The following PCDH12 variants were observed in gnomAD, a reference collection of about 807,000 sequenced individuals.
PCDH12 encodes the protein protocadherin-12.
A neutral mutation model predicts 70.9 loss-of-function variants in PCDH12; 45 were observed. The ratio of observed to expected loss-of-function variants is 0.63; its 90% CI spans 0.50 to 0.81. The LOEUF is 0.81. PCDH12 is among the 40% of genes least tolerant of loss of function. The pLI is 0.00. For missense variants in PCDH12, 1,370 were observed against 1,491.7 expected (o/e 0.92, Z 1.34); for synonymous variants, 567 against 626.0 (o/e 0.91, Z 1.41).
In PCDH12 at chr5:141,957,073, C is replaced by T. The variant is rs1596647871; in HGVS notation, c.779G>A (p.Gly260Asp). The change falls in exon 1 of 4, where the codon GGT becomes GAT. Residue 260 changes from glycine to aspartate, a missense_variant. Coordinates refer to ENST00000231484, the MANE Select transcript of PCDH12 (RefSeq NM_016580.4). This position sits in a 1 kb window ranked among gnomAD's most constrained non-coding sequence, Gnocchi z 4.3. ...GGCGGTCAGTTTTATGAGAAGCGTA[C>T]CAGGTGCAGCATCTTCTTGGATTTC... ...ALEIQEDAAP[G>D]TLLIKLTATD... is the part of the protein sequence containing the mutation. The T allele has an allele frequency of 1.3e-5, 21 of 1,614,152 alleles. No individual in the cohort carries two copies. Among genetic ancestry groups the T allele is most frequent in the Non-Finnish European group, 1.7e-5 (20 of 1,180,022 alleles).
Position 141,945,279 on chromosome 5 carries a change from C to T in PCDH12, c.*102G>A. ...GTAGCATCAGTCACCCTAAAGTTCTCAGGCCGCCGCTAGCTAGTGAGTTAC... is the reference window on the plus strand; with the variant it reads ...GTAGCATCAGTCACCCTAAAGTTCTTAGGCCGCCGCTAGCTAGTGAGTTAC... On this transcript the variant is annotated 3_prime_UTR_variant, in exon 4 of 4. Coordinates refer to ENST00000231484, the MANE Select transcript of PCDH12 (RefSeq NM_016580.4). 2 of 1,419,048 alleles carry T rather than the reference C, an allele frequency of 1.4e-6. No individual in the cohort carries two copies. The highest frequency in any genetic ancestry group is 9.5e-7 in the Non-Finnish European group (1 of 1,052,158). The allele number at this position is 1,419,048 out of a possible 1,614,324, so 87.9% of individuals were successfully genotyped here.
In PCDH12 at chr5:141,949,551, G is replaced by A. The variant is rs1753031059; in HGVS notation, c.3011C>T (p.Ala1004Val). Residue 1004 changes from alanine (A) to valine (V), a missense_variant, in exon 3 of 4, where the codon GCA becomes GTA. Ala to Val is a moderately conservative substitution (Grantham distance 64). Transcript: ENST00000231484. ...TGGGTCTGTCTGGCCTCCAGCCCTTGCACTTGGGCCATCTGTGTCTGGGAT... is the reference window on the plus strand; with the variant it reads ...TGGGTCTGTCTGGCCTCCAGCCCTTACACTTGGGCCATCTGTGTCTGGGAT... ...SAIPDTDGPS[A>V]RAGGQTDPEQ... 2 of 1,614,176 alleles carry A rather than the reference G, an allele frequency of 1.2e-6. No individual in the cohort carries two copies. The highest frequency in any genetic ancestry group is 1.7e-6 in the Non-Finnish European group (2 of 1,180,022).
chr5:141,952,754 TCTC>T (rs962433639), intron 1 of PCDH12: 3 of 152,266 alleles, frequency 2.0e-5, no homozygotes, highest in Non-Finnish European at 4.4e-5. Flanking sequence ...CACGCCTTCT[TCTC>T]AGTGTTGTCA....
At position 141,957,659 on chromosome 5, in the gene PCDH12, C is replaced by T. The variant is rs1753209180; in HGVS notation, c.193G>A (p.Ala65Thr). 4 of 1,614,164 alleles carry T rather than the reference C, an allele frequency of 2.5e-6. No homozygotes were observed. The highest frequency in any genetic ancestry group is 1.3e-5 in the African/African-American group (1 of 75,052). The change falls in exon 1 of 4, where the codon GCC becomes ACC. Residue 65 changes from alanine to threonine, a missense_variant. By Grantham distance (58) the Ala-to-Thr change is moderately conservative. Transcript: ENST00000231484. The surrounding 1 kb of genome is among the most constrained non-coding windows in gnomAD (Gnocchi z 4.3). ...REERRRQAGAAFQVLQLPQAL... is the reference protein window; with the variant it reads ...REERRRQAGATFQVLQLPQAL... ...TGAGGCAGCTGCAACACCTGGAAGG[C>T]AGCCCCAGCTTGCCTCCGCCTCTCC...
In PCDH12 at chr5:141,952,277, T is replaced by TG. The variant is rs1186234946; in HGVS notation, c.2881-688dup. The TG allele has an allele frequency of 5.9e-5, 9 of 152,308 alleles. No individual in the cohort carries two copies. The East Asian group carries it at 1.5e-3, about 26-fold the overall frequency. The allele number at this position is 152,308 out of a possible 1,614,324, so 9.4% of individuals were successfully genotyped here. ...GTTGCCTCTGGGCATAGGGAAAGAATGGGGGCTCTGTGGGAGCAGAGGGCC... is the reference window on the plus strand; with the variant it reads ...GTTGCCTCTGGGCATAGGGAAAGAATGGGGGGCTCTGTGGGAGCAGAGGGCC... On this transcript the variant is annotated intron_variant, in intron 1 of 3. Transcript: ENST00000231484.
Position 141,951,530 on chromosome 5 carries a change from G to C in PCDH12, c.2941C>G (p.Arg981Gly). The C allele has an allele frequency of 1.2e-6, 2 of 1,614,190 alleles. No individual in the cohort carries two copies. The highest frequency in any genetic ancestry group is 1.1e-5 in the South Asian group (1 of 91,072). The change falls in exon 2 of 4, where the codon CGA (arginine) becomes GGA (glycine). Residue 981 changes from arginine to glycine, a missense_variant. Transcript: ENST00000231484. ...QGQFQPKPNH[R>G]GNKYLAKPGG... ...GGCTTGGCCAAGTACTTATTTCCTC[G>C]GTGGTTTGGTTTGGGCTGGAATTGG...
At chr5:141,946,696 G>C (rs898117175) in intron 3 of PCDH12, among the ~76,000 whole-genome samples, 1 of 152,212 alleles carries the variant, frequency 6.6e-6, no homozygotes, top group Non-Finnish European at 1.5e-5. Flanking sequence ...GAGAGGGACT[G>C]GGGTAGTGGC....
rs1753031518 is a variant in PCDH12 at position 141,949,571 on chromosome 5, T to C, written c.2991A>G (p.Pro997=). The C allele has an allele frequency of 1.2e-6, 2 of 1,613,834 alleles. No individual in the cohort carries two copies. The highest frequency in any genetic ancestry group is 1.7e-6 in the Non-Finnish European group (2 of 1,179,902). ...CCCTTGCACTTGGGCCATCTGTGTC[T>C]GGGATTGCACTCCTGCAAAAGAAAC... The part of the protein sequence containing the change: ...AKPGGSRSAI[P]DTDGPSARAG... The change falls in exon 3 of 4, where the codon CCA becomes CCG. Residue 997 remains proline, a synonymous_variant. Coordinates refer to ENST00000231484, the MANE Select transcript of PCDH12 (RefSeq NM_016580.4).
intron 2 of PCDH12, 36 bp downstream of exon 2, chr5:141,951,457 G>C: frequency 6.7e-7 from 1 of 1,497,906 alleles, no homozygotes; most frequent in Non-Finnish European, 9.3e-7. Context: ...GCCAGTAGGG[G>C]CCTTGAGATG....
Position 141,952,115 on chromosome 5 carries a change from G to A in PCDH12, c.2881-525C>T, listed in dbSNP as rs1226389471. On this transcript the variant is annotated intron_variant, in intron 1 of 3. Coordinates refer to ENST00000231484, the MANE Select transcript of PCDH12 (RefSeq NM_016580.4). The stretch of plus-strand genomic sequence containing the variant: ...TTAATAAGTGCCAGGCAGGGTGGTT[G>A]CTATGGGAGTAAGAAGGAGAAGGAG... 4.6e-5 allele frequency among the ~76,000 whole-genome samples: 7 copies of A among 152,182 alleles called. No homozygotes were observed. The East Asian group carries it at 1.2e-3, about 25-fold the overall frequency.
At chr5:141,954,389 TG>T (rs1753140686) in intron 1 of PCDH12, among the ~76,000 whole-genome samples, 1 of 152,190 alleles carries the variant, frequency 6.6e-6, no homozygotes, top group Non-Finnish European at 1.5e-5. Context: ...GATGGAGAAG[TG>T]CTTTGAGGAA....
chr5:141,951,930 A>C (rs1272288130), intron 1 of PCDH12, among the ~76,000 whole-genome samples: 3 of 152,218 alleles, frequency 2.0e-5, no homozygotes, highest in Non-Finnish European at 4.4e-5. Flanking sequence ...ATTTGTTGTT[A>C]CTTTGATGAA....
Position 141,949,572 on chromosome 5 carries a change from G to A in PCDH12, c.2990C>T (p.Pro997Leu), listed in dbSNP as rs1239645154. The change falls in exon 3 of 4, where the codon CCA becomes CTA. Residue 997 changes from proline to leucine, a missense_variant. Pro to Leu is a moderately conservative substitution (Grantham distance 98). Transcript: ENST00000231484. Reference protein sequence around the residue: ...AKPGGSRSAIPDTDGPSARAG... With the variant: ...AKPGGSRSAILDTDGPSARAG... The stretch of plus-strand genomic sequence containing the variant: ...CCTTGCACTTGGGCCATCTGTGTCT[G>A]GGATTGCACTCCTGCAAAAGAAACC... 2 of 1,613,590 alleles carry A rather than the reference G, an allele frequency of 1.2e-6. No homozygotes were observed. The highest frequency in any genetic ancestry group is 1.7e-6 in the Non-Finnish European group (2 of 1,179,826).
chr5:141,946,000 A>G (rs942466444), intron 3 of PCDH12, among the ~76,000 whole-genome samples, 195 bp from the exon 4 acceptor site: 3 of 152,210 alleles, frequency 2.0e-5, no homozygotes, highest in Non-Finnish European at 4.4e-5. Context: ...AAAGCAGTCG[A>G]CTGACACACC....
Position 141,945,199 on chromosome 5 carries a change from G to A in PCDH12, c.*182C>T. On this transcript the variant is annotated 3_prime_UTR_variant, in exon 4 of 4. Transcript: ENST00000231484. ...CAAAAGACTCAGAGCTGCTTACAAG[G>A]GGCTGCTTTGGTCAGTCAGCTGTTA... The A allele has an allele frequency of 1.4e-6, 1 of 719,386 alleles. No individual in the cohort carries two copies. The highest frequency in any genetic ancestry group is 1.8e-5 in the African/African-American group (1 of 56,910). The allele number at this position is 719,386 out of a possible 1,614,324, so 44.6% of individuals were successfully genotyped here. A position where few individuals can be genotyped will look rare whatever the true frequency, so the allele number is the denominator to read the frequency against.
In PCDH12 at chr5:141,955,520, C is replaced by T. The variant is rs146335324; in HGVS notation, c.2332G>A (p.Val778Met). 3.8e-4 allele frequency: 607 copies of T among 1,614,030 alleles called. 1 individual carries two copies. Among genetic ancestry groups the T allele is most frequent in the Non-Finnish European group, 5.0e-4 (589 of 1,180,016 alleles). The change falls in exon 1 of 4, where the codon GTG (valine) becomes ATG (methionine). Residue 778 changes from valine to methionine, a missense_variant. Val to Met is a conservative substitution (Grantham distance 21). Coordinates refer to ENST00000231484, the MANE Select transcript of PCDH12 (RefSeq NM_016580.4). The surrounding 1 kb of genome is among the most constrained non-coding windows in gnomAD (Gnocchi z 5.5). Reference protein sequence around the residue: ...KHIQKADIHLVPVLRGQAGEP... With the variant: ...KHIQKADIHLMPVLRGQAGEP... The stretch of plus-strand genomic sequence containing the variant: ...CCTGCCTGACCCCTGAGCACAGGCA[C>T]GAGGTGGATGTCTGCCTTCTGAATG...
chr5:141,949,780 T>A (rs1340666400), intron 2 of PCDH12, among the ~76,000 whole-genome samples, 197 bp from the exon 3 acceptor site: 1 of 152,118 alleles, frequency 6.6e-6, no homozygotes, highest in Non-Finnish European at 1.5e-5. Context: ...ATGAGAGTAA[T>A]AAATAACACC....
chr5:141,949,452 C>G lies in PCDH12; in HGVS notation c.3110G>C (p.Ser1037Thr). 9 of 1,613,832 alleles carry G rather than the reference C, an allele frequency of 5.6e-6. No homozygotes were observed. The highest frequency in any genetic ancestry group is 7.6e-6 in the Non-Finnish European group (9 of 1,179,838). ...VKQLLEEELS[S>T]LLDPSTGLAL... Reference sequence around the variant, plus strand: ...CCTACCTGTGCTGGGGTCCAGCAGACTTGACAGCTCTTCTTCTAGCAGTTG... The same window carrying G: ...CCTACCTGTGCTGGGGTCCAGCAGAGTTGACAGCTCTTCTTCTAGCAGTTG... Residue 1037 changes from serine (S) to threonine (T), a missense_variant, in exon 3 of 4, where the codon AGT (serine) becomes ACT (threonine). Transcript: ENST00000231484.
rs929525877 is a variant in PCDH12 at position 141,957,760 on chromosome 5, G to A, written c.92C>T (p.Thr31Met). The part of the protein sequence containing the change: ...LGDCQEVTTL[T>M]VKYQVSEEVP... ...TTCCTCTGACACTTGGTATTTCACC[G>A]TGAGAGTGGTCACCTCCTGACAATC... Residue 31 changes from threonine to methionine, a missense_variant, in exon 1 of 4, where the codon ACG becomes ATG. Physicochemically the swap from Thr to Met is moderately conservative, Grantham distance 81 (BLOSUM62 -1). Coordinates refer to ENST00000231484, the MANE Select transcript of PCDH12 (RefSeq NM_016580.4). This position sits in a 1 kb window ranked among gnomAD's most constrained non-coding sequence, Gnocchi z 4.3. 5.6e-6 allele frequency: 9 copies of A among 1,611,710 alleles called. No homozygotes were observed. The highest frequency in any genetic ancestry group is 1.6e-4 in the Middle Eastern group (1 of 6,084).
Sources: gnomAD v4.1 joint callset for allele counts (sites outside exome capture counted in the v4.1 genomes callset) on GRCh38, gnomAD v4.1.1 for gene constraint, Gnocchi (gnomAD v3.1) non-coding constraint, MANE v1.5 for transcripts, NCBI Gene and HGNC (gene_info 2026-07-23, HGNC 2026-07-21) for gene names.